SLC11A1: variants seen among roughly 807,000 people sequenced by gnomAD.
The protein encoded by SLC11A1 is natural resistance-associated macrophage protein 1.
SLC11A1 carries 59 observed loss-of-function variants against 63.2 expected under a neutral mutation model. That is an observed-to-expected ratio of 0.93 (90% confidence interval 0.76 to 1.16). The LOEUF is 1.16. Among genes scored for constraint, SLC11A1 ranks in the 50% most tolerant of loss-of-function variants. SLC11A1 has a pLI of 0.00. For missense variants in SLC11A1, 688 were observed against 730.7 expected (o/e 0.94, Z 0.67); for synonymous variants, 305 against 307.8 (o/e 0.99, Z 0.09).
intron 13 of SLC11A1, 141 bp downstream of exon 13, chr2:218,394,334 C>T: frequency 2.3e-6 from 2 of 873,880 alleles, no homozygotes; most frequent in Non-Finnish European, 3.6e-6. Context: ...TACCCAGGTT[C>T]ACACAGCTAG....
At chr2:218,387,726 T>C in intron 7 of SLC11A1, 74 bp from the exon 8 acceptor site, 3 of 1,611,492 alleles carry the variant, frequency 1.9e-6, no homozygotes, top group Non-Finnish European at 2.5e-6. Context: ...TGGGGTGGGA[T>C]GGAGGCTGAG....
At chr2:218,388,944 T>C (rs1024611037) in intron 8 of SLC11A1, among the ~76,000 whole-genome samples, 1 of 151,490 alleles carries the variant, frequency 6.6e-6, no homozygotes, top group African/African-American at 2.4e-5. Flanking sequence ...AAACCCTGTC[T>C]CTACCAACAA....
rs1406666754 is a variant in SLC11A1, at chr2:218,386,673, C to T, written c.432C>T (p.Ala144=). Residue 144 remains alanine (A), a synonymous_variant, in exon 5 of 15, where the codon GCC becomes GCT. Coordinates refer to ENST00000233202, the MANE Select transcript of SLC11A1 (RefSeq NM_000578.4). The part of the protein sequence containing the change: ...RTVLWLTIEL[A]IVGSDMQEVI... ...TCCTCTGGCTGACCATCGAGCTAGC[C>T]ATTGTGGGCTCCGACATGCAGGAAG... 1 of 1,614,096 alleles carries T rather than the reference C, an allele frequency of 6.2e-7. No homozygotes were observed. Among genetic ancestry groups the T allele is most frequent in the Non-Finnish European group, 8.5e-7 (1 of 1,179,998 alleles).
chr2:218,390,469 G>A (rs1433551842), intron 9 of SLC11A1, among the ~76,000 whole-genome samples: 1 of 152,176 alleles, frequency 6.6e-6, no homozygotes, highest in Non-Finnish European at 1.5e-5. Flanking sequence ...TGACTCTCTG[G>A]GATCTGGGAC....
intron 11 of SLC11A1, 156 bp from the exon 12 acceptor site, chr2:218,392,825 C>A: frequency 1.9e-6 from 1 of 540,166 alleles, no homozygotes; most frequent in Non-Finnish European, 3.1e-6. Context: ...CCCCACCCAT[C>A]CCCTCTTGCC....
intron 8 of SLC11A1, among the ~76,000 whole-genome samples, chr2:218,389,302 C>T: frequency 6.6e-6 from 1 of 151,872 alleles, no homozygotes; most frequent in Non-Finnish European, 1.5e-5. Context: ...GTGGCTCACA[C>T]CTGTAATCTC....
Position 218,394,758 on chromosome 2 carries a change from A to AGCCTACCTGGGCCTCAGC in SLC11A1, c.1516_1533dup (p.Ala506_Ser511dup), listed in dbSNP as rs753533540. 24 of 1,613,320 alleles carry AGCCTACCTGGGCCTCAGC rather than the reference A, an allele frequency of 1.5e-5. No homozygotes were observed. The highest frequency in any genetic ancestry group is 3.3e-5 in the Admixed American group (2 of 60,024). On this transcript the variant is annotated inframe_insertion, in exon 14 of 15. Coordinates refer to ENST00000233202, the MANE Select transcript of SLC11A1 (RefSeq NM_000578.4). ...TCGGCCTTGCAGCCTTGCTGGCCGC[A>AGCCTACCTGGGCCTCAGC]GCCTACCTGGGCCTCAGCACCTACC... is the stretch of plus-strand genomic sequence containing the variant.
At chr2:218,391,710 C>T in intron 11 of SLC11A1, 1 of 529,528 alleles carries the variant, frequency 1.9e-6, no homozygotes. Context: ...CTGCAACCTC[C>T]CCCTCCCAGG....
At chr2:218,386,095 T>C (rs896876521) in intron 4 of SLC11A1, among the ~76,000 whole-genome samples, 1 of 152,158 alleles carries the variant, frequency 6.6e-6, no homozygotes, top group Non-Finnish European at 1.5e-5. Flanking sequence ...AAATGGCCAC[T>C]AGTGCTGCCA....
rs749097437 is a variant in SLC11A1, at chr2:218,385,274, TG to T, written c.393+14del. On this transcript the variant is annotated intron_variant, in intron 4 of 14. Coordinates refer to ENST00000233202, the MANE Select transcript of SLC11A1 (RefSeq NM_000578.4). ...CATCTCTACTACCCTAAGGTGAGCT[TG>T]GGGGGCCTGGACAGGGAGAACCACT... 12 of 1,613,716 alleles carry T rather than the reference TG, an allele frequency of 7.4e-6. No homozygotes were observed. The highest frequency in any genetic ancestry group is 5.0e-5 in the Admixed American group (3 of 59,998).
chr2:218,387,637 G>A lies in SLC11A1; in HGVS notation c.639+5G>A, dbSNP rs1482081321. 6.2e-7 allele frequency: 1 copy of A among 1,614,082 alleles called. No individual in the cohort carries two copies. On this transcript the variant is annotated splice_donor_5th_base_variant and intron_variant, in intron 7 of 14. Coordinates refer to ENST00000233202, the MANE Select transcript of SLC11A1 (RefSeq NM_000578.4). Reference sequence around the variant, plus strand: ...GCCTTGACCTTTGGCTATGAGGTAGGAAGCCAGTGCTGCAACCCCACTGTG... The same window carrying A: ...GCCTTGACCTTTGGCTATGAGGTAGAAAGCCAGTGCTGCAACCCCACTGTG...
chr2:218,391,014 C>T (rs554279701), intron 9 of SLC11A1, among the ~76,000 whole-genome samples, 184 bp from the exon 10 acceptor site: 63 of 152,294 alleles, frequency 4.1e-4, no homozygotes, highest in African/African-American at 1.3e-3. Context: ...AGACCCCCAT[C>T]GCTACAAAAC....
chr2:218,391,344 G>A, intron 10 of SLC11A1, 32 bp from the exon 11 acceptor site: 1 of 1,613,928 alleles, frequency 6.2e-7, no homozygotes, highest in East Asian at 2.2e-5. Context: ...CCTCGGGCAG[G>A]GCCACCGGTC....
chr2:218,383,454 C>G (rs1695911170), intron 2 of SLC11A1: 1 of 190,716 alleles, frequency 5.2e-6, no homozygotes, highest in East Asian at 1.3e-4. Flanking sequence ...CATCTAGCAT[C>G]TAGGATGCTG....
intron 4 of SLC11A1, among the ~76,000 whole-genome samples, chr2:218,386,383 C>T (rs952753591): frequency 2.7e-5 from 4 of 150,282 alleles, no homozygotes; most frequent in East Asian, 1.9e-4. Context: ...ACACGGGAGG[C>T]GGAGATTGTG....
At chr2:218,387,489 G>A in intron 6 of SLC11A1, 76 bp from the exon 7 acceptor site, 1 of 1,461,128 alleles carries the variant, frequency 6.8e-7, no homozygotes, top group Non-Finnish European at 9.6e-7. Flanking sequence ...AGCGCTCGTA[G>A]TATTAGCCAT....
chr2:218,393,234 G>A, intron 12 of SLC11A1, 104 bp downstream of exon 12: 1 of 1,203,474 alleles, frequency 8.3e-7, no homozygotes. Context: ...CCCTGTCCCA[G>A]GCACATCTTG....
intron 9 of SLC11A1, 112 bp from the exon 10 acceptor site, chr2:218,391,086 A>C: frequency 1.2e-6 from 1 of 830,926 alleles, no homozygotes; most frequent in South Asian, 1.4e-5. Context: ...ATGTCTGGCC[A>C]GATTCAGCCT....
rs1696736210 is a variant in SLC11A1, at chr2:218,396,001, T to A, written c.*966T>A. 1 of 152,304 alleles carries A rather than the reference T, an allele frequency of 6.6e-6. No individual in the cohort carries two copies. The highest frequency in any genetic ancestry group is 6.5e-5 in the Admixed American group (1 of 15,288). 9.4% of individuals were successfully genotyped at this position (152,304 alleles called of 1,614,324 possible). A position where few individuals can be genotyped will look rare whatever the true frequency, so the allele number is the denominator to read the frequency against. ...AGAGTCTGTGCCTCTGAGGCCCAAA[T>A]TATTTGCTGTTTCCTCAGGGGAGCC... On this transcript the variant is annotated 3_prime_UTR_variant, in exon 15 of 15. Coordinates refer to ENST00000233202, the MANE Select transcript of SLC11A1 (RefSeq NM_000578.4).
Sources: allele counts gnomAD v4.1 joint callset (sites outside exome capture counted in the v4.1 genomes callset), GRCh38; gene constraint gnomAD v4.1.1; transcripts MANE v1.5; gene names NCBI Gene and HGNC (gene_info 2026-07-23, HGNC 2026-07-21).